Variants in ZFPM2 observed in about 807,000 individuals in gnomAD.
The protein encoded by ZFPM2 is zinc finger protein ZFPM2.
ZFPM2 carries 20 observed loss-of-function variants against 98.6 expected under a neutral mutation model. The ratio of observed to expected loss-of-function variants is 0.20; its 90% CI spans 0.14 to 0.29. The LOEUF (loss-of-function observed/expected upper bound fraction) is 0.29. Among genes scored for constraint, ZFPM2 ranks in the 10% least tolerant of loss-of-function variants. The pLI is 1.00. For missense variants in ZFPM2, 1,310 were observed against 1,388.6 expected (o/e 0.94, Z 0.90); for synonymous variants, 518 against 502.7 (o/e 1.03, Z -0.41).
chr8:105,710,395 A>G (rs1347122773), intron 5 of ZFPM2, among the ~76,000 whole-genome samples: 1 of 152,168 alleles, frequency 6.6e-6, no homozygotes, highest in African/African-American at 2.4e-5. Context: ...CTTAATAAGC[A>G]TATCACTTCT....
intron 5 of ZFPM2, among the ~76,000 whole-genome samples, chr8:105,730,229 C>T (rs987385370): frequency 6.6e-6 from 1 of 151,684 alleles, no homozygotes; most frequent in Non-Finnish European, 1.5e-5. Flanking sequence ...GGAGAACATG[C>T]AGTGTCCAGG....
chr8:105,495,264 C>A (rs1813443002), intron 3 of ZFPM2, among the ~76,000 whole-genome samples: 1 of 152,190 alleles, frequency 6.6e-6, no homozygotes, highest in Non-Finnish European at 1.5e-5. Flanking sequence ...ATCTAAATGT[C>A]ATCGACAAAA....
intron 3 of ZFPM2, among the ~76,000 whole-genome samples, chr8:105,550,941 A>G (rs35667957): frequency 0.14 from 20,732 of 152,202 alleles, 1,554 homozygotes; most frequent in Non-Finnish European, 0.18. Context: ...AATATATGCA[A>G]CCGTGAAGAT....
At chr8:105,446,485 T>C (rs1332782335) in intron 3 of ZFPM2, among the ~76,000 whole-genome samples, 1 of 152,134 alleles carries the variant, frequency 6.6e-6, no homozygotes, top group Non-Finnish European at 1.5e-5. Flanking sequence ...GCTACCTTTT[T>C]CAGGAAGCTT....
intron 5 of ZFPM2, among the ~76,000 whole-genome samples, chr8:105,728,301 A>G (rs1811860111): frequency 6.6e-6 from 1 of 151,670 alleles, no homozygotes; most frequent in Non-Finnish European, 1.5e-5. Flanking sequence ...TATCAATCAG[A>G]ATAGGATGGC....
At chr8:105,659,303 A>G (rs944626265) in intron 5 of ZFPM2, among the ~76,000 whole-genome samples, 72 of 152,226 alleles carry the variant, frequency 4.7e-4, no homozygotes, top group African/African-American at 1.6e-3. Flanking sequence ...AAGAAATCAT[A>G]CAGTGAACAG....
chr8:105,651,264 C>T (rs534996897), intron 5 of ZFPM2, among the ~76,000 whole-genome samples: 1 of 152,082 alleles, frequency 6.6e-6, no homozygotes, highest in African/African-American at 2.4e-5. Context: ...ACTGCTCTTC[C>T]CCAGAAACTC....
chr8:105,572,558 C>T (rs1815380906), intron 4 of ZFPM2, among the ~76,000 whole-genome samples: 1 of 152,000 alleles, frequency 6.6e-6, no homozygotes, highest in East Asian at 1.9e-4. Context: ...ACCTCCGCCT[C>T]CCAGGTTCAA....
intron 5 of ZFPM2, among the ~76,000 whole-genome samples, chr8:105,779,240 G>C (rs989343242): frequency 2.6e-5 from 4 of 152,124 alleles, no homozygotes; most frequent in African/African-American, 9.7e-5. Context: ...TATTGAGGCA[G>C]AGTAATACAA....
intron 3 of ZFPM2, among the ~76,000 whole-genome samples, chr8:105,462,943 G>A (rs1179460431): frequency 6.6e-6 from 1 of 151,998 alleles, no homozygotes; most frequent in African/African-American, 2.4e-5. Context: ...AAATATTTCA[G>A]ATTGAAAAAT....
intron 5 of ZFPM2, among the ~76,000 whole-genome samples, chr8:105,699,872 TTA>T (rs1201528365): frequency 6.6e-6 from 1 of 152,202 alleles, no homozygotes; most frequent in Non-Finnish European, 1.5e-5. Context: ...ACTAATTTCA[TTA>T]TTGTTTATGA....
intron 3 of ZFPM2, among the ~76,000 whole-genome samples, chr8:105,450,811 G>A (rs946803267): frequency 6.6e-6 from 1 of 151,742 alleles, no homozygotes; most frequent in Non-Finnish European, 1.5e-5. Flanking sequence ...AACAAGAGGG[G>A]GTAAAAAATA....
In ZFPM2 at chr8:105,451,347, C is replaced by G. The variant is rs532196238; in HGVS notation, c.301+6966C>G. Among the ~76,000 whole-genome samples the G allele has an allele frequency of 3.3e-5, 5 of 152,200 alleles. No individual in the cohort carries two copies. In the South Asian group the frequency reaches 1.0e-3, roughly 32 times the overall value. On this transcript the variant is annotated intron_variant, in intron 3 of 7. Transcript: ENST00000407775. ...TATATGACAATTCACCAATTATTTA[C>G]AGTAGAAGCTCCCTCTCTAAAACTT...
intron 4 of ZFPM2, among the ~76,000 whole-genome samples, chr8:105,578,584 A>G (rs112249346): frequency 2.3e-4 from 35 of 152,218 alleles, no homozygotes; most frequent in African/African-American, 7.7e-4. Flanking sequence ...GACCAATTGT[A>G]AAATGATAGA....
intron 3 of ZFPM2, among the ~76,000 whole-genome samples, chr8:105,515,151 G>C (rs1813893484): frequency 6.6e-6 from 1 of 152,218 alleles, no homozygotes; most frequent in African/African-American, 2.4e-5. Flanking sequence ...AAGTTAGAAA[G>C]TTACTGGAAC....
intron 2 of ZFPM2, among the ~76,000 whole-genome samples, chr8:105,432,586 A>G (rs1812042285): frequency 6.6e-6 from 1 of 152,178 alleles, no homozygotes; most frequent in East Asian, 1.9e-4. Flanking sequence ...GAACAATAGA[A>G]TTGTGATGGG....
At chr8:105,357,041 T>G (rs1453536289) in intron 1 of ZFPM2, among the ~76,000 whole-genome samples, 1 of 152,218 alleles carries the variant, frequency 6.6e-6, no homozygotes, top group Non-Finnish European at 1.5e-5. Flanking sequence ...AATACTTTGC[T>G]TTTTGCAAAC....
chr8:105,749,198 T>C (rs1443997111), intron 5 of ZFPM2, among the ~76,000 whole-genome samples: 1 of 152,078 alleles, frequency 6.6e-6, no homozygotes, highest in South Asian at 2.1e-4. Context: ...TGTGTAAAGA[T>C]GGTTTCATCA....
rs556558369 is a variant in ZFPM2, at chr8:105,506,386, A to G, written c.302-54977A>G. Among the ~76,000 whole-genome samples, 25 of 152,348 alleles carry G rather than the reference A, an allele frequency of 1.6e-4. No individual in the cohort carries two copies. The South Asian group carries it at 3.3e-3, about 20-fold the overall frequency. On this transcript the variant is annotated intron_variant, in intron 3 of 7. Transcript: ENST00000407775. ...CAAGTGCTTTGTAACACTTGACTCT[A>G]AATTGTTTCATTTATCAGGTAGAAT...
Sources: allele counts gnomAD v4.1 joint callset (sites outside exome capture counted in the v4.1 genomes callset), GRCh38; gene constraint gnomAD v4.1.1; transcripts MANE v1.5; gene names NCBI Gene and HGNC (gene_info 2026-07-23, HGNC 2026-07-21).